SLC9A2: variants seen among roughly 807,000 people sequenced by gnomAD.
SLC9A2 encodes solute carrier family 9 member A2, also known as sodium/hydrogen exchanger 2.
A neutral mutation model predicts 71.7 loss-of-function variants in SLC9A2; 42 were observed. That is an observed-to-expected ratio of 0.59 (90% CI 0.46 to 0.76). The LOEUF (loss-of-function observed/expected upper bound fraction) is 0.76, where lower values mean the gene tolerates loss of function less well. Among genes scored for constraint, SLC9A2 ranks in the 30% least tolerant of loss-of-function variants. The probability of loss-of-function intolerance (pLI) is 0.00; values close to 1 mark genes in which losing one functional copy is unlikely to be tolerated. For missense variants in SLC9A2, 829 were observed against 1,017.4 expected, an observed-to-expected ratio of 0.81 and a Z score of 2.52; for synonymous variants, 396 against 392.5, an observed-to-expected ratio of 1.01 and a Z score of -0.10.
At chr2:102,653,102 A>G (rs960235180) in intron 1 of SLC9A2, among the ~76,000 whole-genome samples, 82 of 152,218 alleles carry the variant, frequency 5.4e-4, no homozygotes, top group Non-Finnish European at 6.8e-4. Context: ...CTTTTATGCC[A>G]TCAGAGGGCA....
At chr2:102,658,634 A>C (rs1197349288) in intron 2 of SLC9A2, among the ~76,000 whole-genome samples, 2 of 151,612 alleles carry the variant, frequency 1.3e-5, no homozygotes, top group African/African-American at 4.9e-5. Context: ...CCTTCTCATA[A>C]ATGAGTGTTT....
intron 3 of SLC9A2, among the ~76,000 whole-genome samples, chr2:102,667,482 A>G (rs186603350): frequency 6.6e-6 from 1 of 152,302 alleles, no homozygotes; most frequent in Non-Finnish European, 1.5e-5. Context: ...AGATCCAGCT[A>G]TTGGGGGAAA....
intron 1 of SLC9A2, among the ~76,000 whole-genome samples, chr2:102,635,075 G>C (rs540960061): frequency 4.9e-4 from 74 of 152,316 alleles, no homozygotes; most frequent in South Asian, 1.0e-3. Flanking sequence ...TCAGAATCTA[G>C]ATTGGAAAGA....
At chr2:102,656,287 A>G (rs368661016) in intron 1 of SLC9A2, among the ~76,000 whole-genome samples, 32 of 152,288 alleles carry the variant, frequency 2.1e-4, no homozygotes, top group East Asian at 1.5e-3. Flanking sequence ...TTAAAGCCAC[A>G]TGGGCTCTAC....
At chr2:102,679,323 A>G (rs191758959) in intron 3 of SLC9A2, among the ~76,000 whole-genome samples, 2 of 152,110 alleles carry the variant, frequency 1.3e-5, no homozygotes, top group Admixed American at 6.6e-5. Flanking sequence ...AAATGATCCC[A>G]TGGACATTCA....
At chr2:102,641,823 T>C (rs1676587244) in intron 1 of SLC9A2, among the ~76,000 whole-genome samples, 1 of 142,116 alleles carries the variant, frequency 7.0e-6, no homozygotes, top group Non-Finnish European at 1.5e-5. Context: ...CTGCATGTTC[T>C]CACTCATAGA....
chr2:102,708,017 GC>G, intron 11 of SLC9A2, 101 bp from the exon 12 acceptor site: 1 of 1,273,764 alleles, frequency 7.9e-7, no homozygotes, highest in East Asian at 2.3e-5. Context: ...TCTCCCCAGA[GC>G]CCCAGGACGT....
At chr2:102,676,191 C>A (rs560988056) in intron 3 of SLC9A2, among the ~76,000 whole-genome samples, 1 of 152,208 alleles carries the variant, frequency 6.6e-6, no homozygotes, top group African/African-American at 2.4e-5. Flanking sequence ...CAGGCCCCAC[C>A]TGTAGCCCAC....
intron 2 of SLC9A2, among the ~76,000 whole-genome samples, chr2:102,661,672 T>TA (rs1008578025): frequency 1.3e-5 from 2 of 152,186 alleles, no homozygotes; most frequent in African/African-American, 4.8e-5. Flanking sequence ...GTTTGCAATT[T>TA]AAAAATATCA....
chr2:102,687,007 A>G (rs935179141), intron 5 of SLC9A2, among the ~76,000 whole-genome samples: 1 of 152,148 alleles, frequency 6.6e-6, no homozygotes, highest in Non-Finnish European at 1.5e-5. Context: ...ACTGAGGGAG[A>G]CATCTGGGGA....
intron 1 of SLC9A2, among the ~76,000 whole-genome samples, chr2:102,631,999 T>G (rs112306683): frequency 0.035 from 714 of 20,266 alleles, 35 homozygotes; most frequent in African/African-American, 0.15. Flanking sequence ...AGTGGGGATA[T>G]ATATATATAT....
rs1375155429 is a variant in SLC9A2 at position 102,657,666 on chromosome 2, A to G, written c.392A>G (p.Lys131Arg). 1 of 1,614,074 alleles carries G rather than the reference A, an allele frequency of 6.2e-7. No homozygotes were observed. The highest frequency in any genetic ancestry group is 1.7e-5 in the Admixed American group (1 of 60,018). ...GGGATTATTTTTGGTGTTGATGAGAAGTCTCCCCCTGCAATGAAGACTGAT... is the reference window on the plus strand; with the variant it reads ...GGGATTATTTTTGGTGTTGATGAGAGGTCTCCCCCTGCAATGAAGACTGAT... ...LGGIIFGVDE[K>R]SPPAMKTDVF... The change falls in exon 2 of 12, where the codon AAG (lysine) becomes AGG (arginine). Residue 131 changes from lysine (K) to arginine (R), a missense_variant. This residue lies in a region of SLC9A2 where 500 missense variants were observed against 726.3 expected (regional missense o/e 0.69). Transcript: ENST00000233969.
intron 3 of SLC9A2, 151 bp downstream of exon 3, chr2:102,665,501 A>G (rs6543176): frequency 1 from 812,878 of 816,718 alleles, 404,543 homozygotes; most frequent in East Asian, 1. Flanking sequence ...TCGGACGGGC[A>G]CAGTGGCTCA....
intron 5 of SLC9A2, among the ~76,000 whole-genome samples, chr2:102,690,606 T>A (rs1378485994): frequency 6.6e-6 from 1 of 151,900 alleles, no homozygotes; most frequent in African/African-American, 2.4e-5. Context: ...CGGACAGACA[T>A]AGAAGGGGAA....
rs142680944 is a variant in SLC9A2, at chr2:102,636,015, C to T, written c.289+15878C>T. Among the ~76,000 whole-genome samples, 263 of 152,094 alleles carry T rather than the reference C, an allele frequency of 1.7e-3. 1 individual carries two copies. The highest frequency in any genetic ancestry group is 6.1e-3 in the African/African-American group (253 of 41,500). On this transcript the variant is annotated intron_variant, in intron 1 of 11. Coordinates refer to ENST00000233969, the MANE Select transcript of SLC9A2 (RefSeq NM_003048.6). ...ACAAATGAGTATAATTGGCAAGACT[C>T]TAGTCCTCTGTTTTCCCACTGAATG...
At chr2:102,702,927 G>A (rs1558725296) in intron 9 of SLC9A2, among the ~76,000 whole-genome samples, 1 of 152,152 alleles carries the variant, frequency 6.6e-6, no homozygotes, top group Non-Finnish European at 1.5e-5. Context: ...CTAATAATTT[G>A]CTAACAACAC....
Position 102,657,748 on chromosome 2 carries a change from C to T in SLC9A2, c.474C>T (p.Pro158=). ...PIVLDAGYFM[P]TRPFFENIGT... Reference sequence around the variant, plus strand: ...TGCTGGATGCCGGCTATTTCATGCCCACTCGCCCATTCTTTGAGAACATTG... The same window carrying T: ...TGCTGGATGCCGGCTATTTCATGCCTACTCGCCCATTCTTTGAGAACATTG... Residue 158 remains proline, a synonymous_variant, in exon 2 of 12, where the codon CCC becomes CCT. Coordinates refer to ENST00000233969, the MANE Select transcript of SLC9A2 (RefSeq NM_003048.6). The T allele has an allele frequency of 6.2e-7, 1 of 1,614,192 alleles. No individual in the cohort carries two copies. The highest frequency in any genetic ancestry group is 8.5e-7 in the Non-Finnish European group (1 of 1,180,032).
chr2:102,680,175 A>C (rs1203740199), intron 3 of SLC9A2, among the ~76,000 whole-genome samples: 1 of 152,074 alleles, frequency 6.6e-6, no homozygotes, highest in Non-Finnish European at 1.5e-5. Context: ...TTTCCACTAC[A>C]TGAAGTACCT....
At chr2:102,707,510 T>C (rs12712166) in intron 11 of SLC9A2, among the ~76,000 whole-genome samples, 116,199 of 151,974 alleles carry the variant, frequency 0.76, 44,419 homozygotes, top group Admixed American at 0.79. Context: ...TTCACTGCCC[T>C]ACCCGTAGCA....
Sources: gnomAD v4.1 joint callset for allele counts (sites outside exome capture counted in the v4.1 genomes callset) on GRCh38, gnomAD v4.1.1 for gene constraint, gnomAD v4.1.1 regional missense constraint, MANE v1.5 for transcripts, NCBI Gene and HGNC (gene_info 2026-07-23, HGNC 2026-07-21) for gene names.